The following HELZ variants were observed in gnomAD, a reference collection of about 807,000 sequenced individuals.
The protein encoded by HELZ is helicase with zinc finger, also known as ATP-dependent RNA helicase with zinc finger domain.
In HELZ, 23 loss-of-function variants were observed where a neutral mutation model predicts 218.2. That is an observed-to-expected ratio of 0.11 (90% CI 0.08 to 0.15). The LOEUF is 0.15. HELZ is among the 10% of genes least tolerant of loss of function. The probability of loss-of-function intolerance (pLI) is 1.00; values close to 1 mark genes in which losing one functional copy is unlikely to be tolerated. For missense variants in HELZ, 1,813 were observed against 2,353.7 expected (o/e 0.77, Z 4.75); for synonymous variants, 814 against 829.4 (o/e 0.98, Z 0.32).
At chr17:67,159,733 A>G (rs1398036619) in intron 17 of HELZ, among the ~76,000 whole-genome samples, 3 of 152,106 alleles carry the variant, frequency 2.0e-5, no homozygotes, top group African/African-American at 7.2e-5. Flanking sequence ...ATTTTCTTTG[A>G]CACTTTGTCT....
chr17:67,160,607 G>A (rs1242344309), intron 16 of HELZ, among the ~76,000 whole-genome samples: 1 of 152,040 alleles, frequency 6.6e-6, no homozygotes, highest in East Asian at 1.9e-4. Context: ...TTAAACCCAA[G>A]TCTTCTGGCT....
chr17:67,103,870 C>T (rs1413695631), intron 31 of HELZ, among the ~76,000 whole-genome samples: 1 of 152,144 alleles, frequency 6.6e-6, no homozygotes, highest in African/African-American at 2.4e-5. Context: ...GTGTACAATA[C>T]AGTGTGGTAC....
intron 3 of HELZ, chr17:67,224,270 G>A (rs1216012610): frequency 1.3e-5 from 2 of 156,206 alleles, no homozygotes; most frequent in Admixed American, 6.3e-5. Flanking sequence ...GAAACTACAG[G>A]GGGTTGAATA....
Position 67,119,569 on chromosome 17 carries a change from T to C in HELZ, c.3838+836A>G, listed in dbSNP as rs1297920667. On this transcript the variant is annotated intron_variant, in intron 27 of 32. Transcript: ENST00000358691. Reference sequence around the variant, plus strand: ...TGGAAGTTAACAACTCTGGATATTGTTAAAACTCATCAATGTACGTTTTAA... The same window carrying C: ...TGGAAGTTAACAACTCTGGATATTGCTAAAACTCATCAATGTACGTTTTAA... Among the ~76,000 whole-genome samples the C allele has an allele frequency of 1.1e-4, 17 of 152,310 alleles. No homozygotes were observed. The East Asian group carries it at 3.3e-3, about 29-fold the overall frequency.
At position 67,145,798 on chromosome 17, in the gene HELZ, G is replaced by T; in HGVS notation, c.2714C>A (p.Ala905Glu). 1 of 1,612,684 alleles carries T rather than the reference G, an allele frequency of 6.2e-7. No homozygotes were observed. The highest frequency in any genetic ancestry group is 8.5e-7 in the Non-Finnish European group (1 of 1,178,882). Reference sequence around the variant, plus strand: ...TTTTTCTTGTACATCTTCTCCTCGTGCTGTAAAGAAAGTTAGTGGGTAGAA... The same window carrying T: ...TTTTTCTTGTACATCTTCTCCTCGTTCTGTAAAGAAAGTTAGTGGGTAGAA... The part of the protein sequence containing the change: ...KDFYPLTFFT[A>E]RGEDVQEKNS... Residue 905 changes from alanine (A) to glutamate (E), a missense_variant, in exon 21 of 33, where the codon GCA becomes GAA. Coordinates refer to ENST00000358691, the MANE Select transcript of HELZ (RefSeq NM_014877.4).
At chr17:67,148,471 G>A in intron 20 of HELZ, 98 bp downstream of exon 20, 1 of 980,748 alleles carries the variant, frequency 1.0e-6, no homozygotes, top group Non-Finnish European at 1.5e-6. Context: ...ATGTAAGTGT[G>A]TTGGGAATCA....
chr17:67,214,259 C>A (rs866285483), intron 5 of HELZ, among the ~76,000 whole-genome samples: 3 of 87,734 alleles, frequency 3.4e-5, no homozygotes, highest in Admixed American at 3.0e-4. Context: ...ATTAATATTT[C>A]TTTTTTTTTT....
Position 67,107,182 on chromosome 17 carries a change from G to C in HELZ, c.5228C>G (p.Pro1743Arg). 5.6e-6 allele frequency: 9 copies of C among 1,612,436 alleles called. No homozygotes were observed. The highest frequency in any genetic ancestry group is 7.6e-6 in the Non-Finnish European group (9 of 1,179,048). ...GAAGACATTTACCTCTTCTAAGCTA[G>C]GGAGCGAAGAAGAAGATACTGTTCG... ...SSRTVSSSSL[P>R]SLEEYEPRGP... The change falls in exon 31 of 33, where the codon CCT (proline) becomes CGT (arginine). Residue 1743 changes from proline (P) to arginine (R), a missense_variant. This residue lies in a region of HELZ where 938 missense variants were observed against 1,027.5 expected (regional missense o/e 0.91). Transcript: ENST00000358691.
chr17:67,089,668 T>TATATAGAGAGAGAG (rs71293575), intron 31 of HELZ, among the ~76,000 whole-genome samples: 33 of 70,640 alleles, frequency 4.7e-4, no homozygotes, highest in African/African-American at 1.6e-3. Flanking sequence ...TATATATATA[T>TATATAGAGAGAGAG]AGAGAGAGAG....
intron 22 of HELZ, 104 bp from the exon 23 acceptor site, chr17:67,136,302 AT>A: frequency 1.3e-6 from 1 of 743,250 alleles, no homozygotes; most frequent in Non-Finnish European, 2.2e-6. Context: ...AATAACAAAC[AT>A]TGGCGAAGAT....
chr17:67,174,796 TAAAAG>T (rs1040158315), intron 13 of HELZ, among the ~76,000 whole-genome samples: 5 of 151,902 alleles, frequency 3.3e-5, no homozygotes, highest in African/African-American at 7.3e-5. Flanking sequence ...AAACTCCATT[TAAAAG>T]AAAAGAAAAG....
rs1171690002 is a variant in HELZ, at chr17:67,107,428, G to A, written c.4982C>T (p.Pro1661Leu). 1 of 1,614,218 alleles carries A rather than the reference G, an allele frequency of 6.2e-7. No individual in the cohort carries two copies. Among genetic ancestry groups the A allele is most frequent in the Admixed American group, 1.7e-5 (1 of 60,036 alleles). Residue 1661 changes from proline (P) to leucine (L), a missense_variant, in exon 31 of 33, where the codon CCT (proline) becomes CTT (leucine). This residue lies in a region of HELZ where 938 missense variants were observed against 1,027.5 expected (regional missense o/e 0.91). Transcript: ENST00000358691. ...QRLPPQIFNSPFSLPSEHLAP... is the reference protein window; with the variant it reads ...QRLPPQIFNSLFSLPSEHLAP... ...AAGGTGTTCAGATGGCAACGAGAAAGGTGAGTTGAATATCTGGGGTGGGAG... is the reference window on the plus strand; with the variant it reads ...AAGGTGTTCAGATGGCAACGAGAAAAGTGAGTTGAATATCTGGGGTGGGAG...
chr17:67,192,551 T>C (rs1283666399), intron 9 of HELZ, among the ~76,000 whole-genome samples: 1 of 152,222 alleles, frequency 6.6e-6, no homozygotes, highest in Non-Finnish European at 1.5e-5. Flanking sequence ...CTTTAAATTA[T>C]TTCCCTAAAA....
At chr17:67,080,754 T>A (rs1200423540) in intron 32 of HELZ, among the ~76,000 whole-genome samples, 2 of 152,192 alleles carry the variant, frequency 1.3e-5, no homozygotes, top group African/African-American at 4.8e-5. Flanking sequence ...AAGGCTGATA[T>A]GTCCTAAGGG....
chr17:67,244,546 G>C (rs561412065), intron 1 of HELZ: 30 of 940,862 alleles, frequency 3.2e-5, no homozygotes, highest in Non-Finnish European at 3.8e-5. Flanking sequence ...TTTTGTTGAT[G>C]TGCTTGTGGG....
chr17:67,184,933 T>C (rs1175280211), intron 12 of HELZ, among the ~76,000 whole-genome samples: 5 of 152,198 alleles, frequency 3.3e-5, no homozygotes, highest in African/African-American at 1.2e-4. Context: ...TTATAATTTA[T>C]AATATTTTCG....
chr17:67,136,659 T>C (rs1264387838), intron 22 of HELZ, among the ~76,000 whole-genome samples: 2 of 152,156 alleles, frequency 1.3e-5, no homozygotes, highest in Non-Finnish European at 2.9e-5. Flanking sequence ...TGGATGAACC[T>C]TGAAGGCATT....
At chr17:67,082,864 T>TG (rs1211008346) in intron 32 of HELZ, among the ~76,000 whole-genome samples, 2 of 148,564 alleles carry the variant, frequency 1.3e-5, no homozygotes, top group South Asian at 2.1e-4. Flanking sequence ...TTTTTTGTTT[T>TG]TTTTTTTTTT....
At chr17:67,203,488 C>A (rs1319834347) in intron 5 of HELZ, 45 bp from the exon 6 acceptor site, 1 of 1,603,454 alleles carries the variant, frequency 6.2e-7, no homozygotes, top group African/African-American at 1.3e-5. Flanking sequence ...ACATTTAATG[C>A]ACATTTTTCT....
Sources: allele counts gnomAD v4.1 joint callset (sites outside exome capture counted in the v4.1 genomes callset), GRCh38; gene constraint gnomAD v4.1.1; regional missense constraint gnomAD v4.1.1; transcripts MANE v1.5; gene names NCBI Gene and HGNC (gene_info 2026-07-23, HGNC 2026-07-21).